The following HDAC10 variants were observed in gnomAD, a reference collection of about 807,000 sequenced individuals.
HDAC10 encodes the protein polyamine deacetylase HDAC10.
In HDAC10, 90 loss-of-function variants were observed where a neutral mutation model predicts 82.3. The observed-to-expected ratio is 1.09, with a 90% CI of 0.92 to 1.30. HDAC10 has a LOEUF of 1.30. Ranked by LOEUF, HDAC10 falls within the 50% of genes most tolerant of loss-of-function variation. The pLI, the probability that HDAC10 is intolerant of heterozygous loss-of-function variation, is 0.00. For missense variants in HDAC10, 934 were observed against 876.3 expected, an observed-to-expected ratio of 1.07 and a Z score of -0.83; for synonymous variants, 456 against 391.7, an observed-to-expected ratio of 1.16 and a Z score of -1.94.
Position 50,251,092 on chromosome 22 carries a change from C to T in HDAC10, c.-60G>A. On this transcript the variant is annotated 5_prime_UTR_variant, in exon 1 of 20. Transcript: ENST00000216271. Reference sequence around the variant, plus strand: ...CCTCGCTAGTGGTGCCTGCCACTGCCTGTCCCCACCTTCGGCCGGGAGCAG... The same window carrying T: ...CCTCGCTAGTGGTGCCTGCCACTGCTTGTCCCCACCTTCGGCCGGGAGCAG... The T allele has an allele frequency of 6.5e-7, 1 of 1,530,826 alleles. No individual in the cohort carries two copies. The highest frequency in any genetic ancestry group is 1.7e-4 in the Middle Eastern group (1 of 5,764). 94.8% of individuals were successfully genotyped at this position (1,530,826 alleles called of 1,614,324 possible).
In HDAC10 at chr22:50,245,907, T is replaced by C. The variant is rs753141770; in HGVS notation, c.1833+3A>G. 2.9e-5 allele frequency: 46 copies of C among 1,571,252 alleles called. No homozygotes were observed. Among genetic ancestry groups the C allele is most frequent in the Non-Finnish European group, 3.5e-5 (41 of 1,158,682 alleles). ...CGCAGCACCTCCACCCTGCCCAGCT[T>C]ACCTCCTCCAGGAGGGCCAGGACTC... On this transcript the variant is annotated splice_donor_region_variant and intron_variant, in intron 18 of 19. Transcript: ENST00000216271.
rs375624686 is a variant in HDAC10, at chr22:50,249,719, G to A, written c.495-16C>T. 1.1e-5 allele frequency: 17 copies of A among 1,612,482 alleles called. No individual in the cohort carries two copies. Among genetic ancestry groups the A allele is most frequent in the East Asian group, 2.2e-5 (1 of 44,846 alleles). On this transcript the variant is annotated splice_polypyrimidine_tract_variant and intron_variant, in intron 5 of 19. Transcript: ENST00000216271. This position sits in a 1 kb window ranked among gnomAD's most constrained non-coding sequence, Gnocchi z 4.4. ...GACGAGGATCCTGGGTACAGACAGCGCTGGTGGCAAAGGGGCAGGGCCTCC... is the reference window on the plus strand; with the variant it reads ...GACGAGGATCCTGGGTACAGACAGCACTGGTGGCAAAGGGGCAGGGCCTCC...
Position 50,250,782 on chromosome 22 carries a change from G to A in HDAC10, c.183C>T (p.Gly61=), listed in dbSNP as rs755748347. The A allele has an allele frequency of 6.3e-7, 1 of 1,599,688 alleles. No homozygotes were observed. The highest frequency in any genetic ancestry group is 1.1e-5 in the South Asian group (1 of 89,134). The stretch of plus-strand genomic sequence containing the variant: ...GCCCCCGTCCTGACCTGTGCACCAG[G>A]CCCAGCTCCTCTTCCGAGGCCTCGC... ...SAREASEEEL[G]LVHSPEYVSL... is the part of the protein sequence containing the mutation. The change falls in exon 2 of 20, where the codon GGC becomes GGT. Residue 61 remains glycine, a synonymous_variant. Coordinates refer to ENST00000216271, the MANE Select transcript of HDAC10 (RefSeq NM_032019.6).
chr22:50,246,594 C>A, intron 16 of HDAC10, 85 bp downstream of exon 16: 3 of 1,346,870 alleles, frequency 2.2e-6, no homozygotes, highest in South Asian at 1.2e-5. Flanking sequence ...GCCCCACCCA[C>A]CCGTCACCCT....
chr22:50,249,428 T>C lies in HDAC10; in HGVS notation c.590A>G (p.Tyr197Cys), dbSNP rs778712655. ...GAAAGGCCAGAAGCGCCCATGCTCATAGCGGTGCCAGGAGAAGTAAAGGAC... is the reference window on the plus strand; with the variant it reads ...GAAAGGCCAGAAGCGCCCATGCTCACAGCGGTGCCAGGAGAAGTAAAGGAC... ...PSVLYFSWHR[Y>C]EHGRFWPFLR... Residue 197 changes from tyrosine to cysteine, a missense_variant, in exon 7 of 20, where the codon TAT (tyrosine) becomes TGT (cysteine). Transcript: ENST00000216271. This position sits in a 1 kb window ranked among gnomAD's most constrained non-coding sequence, Gnocchi z 4.4. 3 of 1,612,640 alleles carry C rather than the reference T, an allele frequency of 1.9e-6. No homozygotes were observed. Among genetic ancestry groups the C allele is most frequent in the Non-Finnish European group, 2.5e-6 (3 of 1,179,916 alleles).
At position 50,248,616 on chromosome 22, in the gene HDAC10, C is replaced by G. The variant is rs2065012279; in HGVS notation, c.906+46G>C. 2.0e-6 allele frequency: 3 copies of G among 1,476,064 alleles called. No individual in the cohort carries two copies. The highest frequency in any genetic ancestry group is 4.4e-5 in the Admixed American group (2 of 45,230). 91.4% of individuals were successfully genotyped at this position (1,476,064 alleles called of 1,614,324 possible). On this transcript the variant is annotated intron_variant, in intron 10 of 19. Coordinates refer to ENST00000216271, the MANE Select transcript of HDAC10 (RefSeq NM_032019.6). This position sits in a 1 kb window ranked among gnomAD's most constrained non-coding sequence, Gnocchi z 5.4. ...ACCTGGCTCCCATGCTCCTGACCCC[C>G]AGGCCTCTGGCCCAGAGACCCTCCC...
chr22:50,245,817 G>T lies in HDAC10; in HGVS notation c.1844C>A (p.Pro615His), dbSNP rs929644724. ...VLALLEENST[P>H]QLAGILARVL... ...CCGGGCCAGGATCCCTGCTAGCTGG[G>T]GTGTGGAGTTCTGGACCAGGGGCGA... Residue 615 changes from proline to histidine, a missense_variant, in exon 19 of 20, where the codon CCC (proline) becomes CAC (histidine). By Grantham distance (77) the Pro-to-His change is moderately conservative. Transcript: ENST00000216271. 1 of 1,574,740 alleles carries T rather than the reference G, an allele frequency of 6.4e-7. No individual in the cohort carries two copies. The highest frequency in any genetic ancestry group is 2.4e-5 in the East Asian group (1 of 42,208).
At chr22:50,246,176 G>A (rs2064939990) in intron 17 of HDAC10, 84 bp from the exon 18 acceptor site, 1 of 1,537,510 alleles carries the variant, frequency 6.5e-7, no homozygotes, top group East Asian at 2.3e-5. Context: ...AGGGCCCCTG[G>A]AGTAGGAGCA....
At position 50,251,097 on chromosome 22, in the gene HDAC10, C is replaced by T. The variant is rs2065081643; in HGVS notation, c.-65G>A. On this transcript the variant is annotated 5_prime_UTR_variant, in exon 1 of 20. Transcript: ENST00000216271. ...CTAGTGGTGCCTGCCACTGCCTGTC[C>T]CCACCTTCGGCCGGGAGCAGCCGGA... 5 of 1,519,348 alleles carry T rather than the reference C, an allele frequency of 3.3e-6. No individual in the cohort carries two copies. The highest frequency in any genetic ancestry group is 4.5e-6 in the Non-Finnish European group (5 of 1,113,542). 94.1% of individuals were successfully genotyped at this position (1,519,348 alleles called of 1,614,324 possible). A position where few individuals can be genotyped will look rare whatever the true frequency, so the allele number is the denominator to read the frequency against.
chr22:50,251,236 T>A lies in HDAC10; in HGVS notation c.-204A>T. 1 of 538,578 alleles carries A rather than the reference T, an allele frequency of 1.9e-6. No homozygotes were observed. Among genetic ancestry groups the A allele is most frequent in the South Asian group, 2.5e-5 (1 of 39,414 alleles). 33.4% of individuals were successfully genotyped at this position (538,578 alleles called of 1,614,324 possible). On this transcript the variant is annotated 5_prime_UTR_variant, in exon 1 of 20. Coordinates refer to ENST00000216271, the MANE Select transcript of HDAC10 (RefSeq NM_032019.6). ...GCGCGCAGAAGGCACGGAGCGAGGC[T>A]GCAGTCGAAGGGGGAGGCTCCCCGC...
chr22:50,246,443 G>C, intron 16 of HDAC10, 67 bp from the exon 17 acceptor site: 1 of 1,352,096 alleles, frequency 7.4e-7, no homozygotes, highest in Non-Finnish European at 1.0e-6. Context: ...CGCAGAGGCA[G>C]AGGTGGAAGA....
In HDAC10 at chr22:50,251,042, G is replaced by A. The variant is rs756171452; in HGVS notation, c.-10C>T. On this transcript the variant is annotated 5_prime_UTR_variant, in exon 1 of 20. In the 5' UTR this introduces an upstream ATG that the reference lacks. Transcript: ENST00000216271. ...CAAGCGCGGTCCCCATGGCTGCGCC[G>A]TGGTCACCCTGGGTTCCCAAACGCC... is the stretch of plus-strand genomic sequence containing the variant. The A allele has an allele frequency of 1.2e-6, 2 of 1,607,986 alleles. No homozygotes were observed. The highest frequency in any genetic ancestry group is 1.7e-5 in the Admixed American group (1 of 59,826).
Position 50,250,785 on chromosome 22 carries a change from C to A in HDAC10, c.180G>T (p.Leu60=), listed in dbSNP as rs2065072029. Residue 60 remains leucine (L), a synonymous_variant, in exon 2 of 20, where the codon CTG becomes CTT. Transcript: ENST00000216271. ...CCCGTCCTGACCTGTGCACCAGGCC[C>A]AGCTCCTCTTCCGAGGCCTCGCGGG... ...LSAREASEEE[L]GLVHSPEYVS... The A allele has an allele frequency of 1.2e-6, 2 of 1,600,788 alleles. No individual in the cohort carries two copies. The highest frequency in any genetic ancestry group is 1.7e-6 in the Non-Finnish European group (2 of 1,174,992).
Position 50,249,731 on chromosome 22 carries a change from G to C in HDAC10, c.495-28C>G, listed in dbSNP as rs1396966915. 5.0e-6 allele frequency: 8 copies of C among 1,611,882 alleles called. No homozygotes were observed. Among genetic ancestry groups the C allele is most frequent in the Non-Finnish European group, 5.9e-6 (7 of 1,179,468 alleles). Reference sequence around the variant, plus strand: ...GGGTACAGACAGCGCTGGTGGCAAAGGGGCAGGGCCTCCCACCTCCAGGAG... The same window carrying C: ...GGGTACAGACAGCGCTGGTGGCAAACGGGCAGGGCCTCCCACCTCCAGGAG... On this transcript the variant is annotated intron_variant, in intron 5 of 19. Coordinates refer to ENST00000216271, the MANE Select transcript of HDAC10 (RefSeq NM_032019.6). The surrounding 1 kb of genome is among the most constrained non-coding windows in gnomAD (Gnocchi z 4.4).
At position 50,245,712 on chromosome 22, in the gene HDAC10, A is replaced by C; in HGVS notation, c.1949T>G (p.Leu650Arg). ...CCACTGAGGCTCCAGCTGCCCTCTC[A>C]GGTACATCAGGGCCTGGACGTCCTC... The part of the protein sequence containing the change: ...SPEDVQALMY[L>R]RGQLEPQWKM... Residue 650 changes from leucine (L) to arginine (R), a missense_variant, in exon 19 of 20, where the codon CTG becomes CGG. Coordinates refer to ENST00000216271, the MANE Select transcript of HDAC10 (RefSeq NM_032019.6). 6.2e-7 allele frequency: 1 copy of C among 1,613,166 alleles called. No individual in the cohort carries two copies. Among genetic ancestry groups the C allele is most frequent in the South Asian group, 1.1e-5 (1 of 91,058 alleles).
chr22:50,248,102 C>T lies in HDAC10; in HGVS notation c.1125G>A (p.Glu375=), dbSNP rs1281244726. The T allele has an allele frequency of 6.3e-7, 1 of 1,593,554 alleles. No individual in the cohort carries two copies. The highest frequency in any genetic ancestry group is 1.1e-5 in the South Asian group (1 of 88,586). The change falls in exon 13 of 20, where the codon GAG becomes GAA. Residue 375 remains glutamate (E), a synonymous_variant. Coordinates refer to ENST00000216271, the MANE Select transcript of HDAC10 (RefSeq NM_032019.6). This position sits in a 1 kb window ranked among gnomAD's most constrained non-coding sequence, Gnocchi z 5.4. ...CAGGCAGCAGAGGTGGAGGCCTCCCCTCTGGGGAGTGGCTGCTGGGGCTCA... is the reference window on the plus strand; with the variant it reads ...CAGGCAGCAGAGGTGGAGGCCTCCCTTCTGGGGAGTGGCTGCTGGGGCTCA... ...VPMSPSSHSP[E]GRPPPLLPGG...
In HDAC10 at chr22:50,249,225, G is replaced by A; in HGVS notation, c.691-57C>T. On this transcript the variant is annotated intron_variant, in intron 7 of 19. Transcript: ENST00000216271. The surrounding 1 kb of genome is among the most constrained non-coding windows in gnomAD (Gnocchi z 4.4). ...TGTGGGGCAGGGGAGGGGCCCGGGGGAGGGGGTGGGTGGGGACCTGGGGCT... is the reference window on the plus strand; with the variant it reads ...TGTGGGGCAGGGGAGGGGCCCGGGGAAGGGGGTGGGTGGGGACCTGGGGCT... The A allele has an allele frequency of 2.4e-6, 3 of 1,226,682 alleles. No individual in the cohort carries two copies. Among genetic ancestry groups the A allele is most frequent in the Non-Finnish European group, 3.4e-6 (3 of 883,756 alleles). The allele number at this position is 1,226,682 out of a possible 1,614,324, so 76.0% of individuals were successfully genotyped here. A position where few individuals can be genotyped will look rare whatever the true frequency, so the allele number is the denominator to read the frequency against.
At position 50,250,554 on chromosome 22, in the gene HDAC10, G is replaced by A. The variant is rs747705047; in HGVS notation, c.195-31C>T. ...TGCAGATGGGCAGGCAGGAGAGGCA[G>A]GGTCACCAGCAGGAGCAGGGGGGCG... On this transcript the variant is annotated intron_variant, in intron 2 of 19. Coordinates refer to ENST00000216271, the MANE Select transcript of HDAC10 (RefSeq NM_032019.6). The A allele has an allele frequency of 3.2e-6, 5 of 1,570,460 alleles. No homozygotes were observed. In the Admixed American group the frequency reaches 6.7e-5, roughly 21 times the overall value.
rs368453527 is a variant in HDAC10, at chr22:50,248,486, G to A, written c.907-14C>T. 165 of 1,599,640 alleles carry A rather than the reference G, an allele frequency of 1.0e-4. No individual in the cohort carries two copies. The highest frequency in any genetic ancestry group is 1.6e-4 in the Middle Eastern group (1 of 6,068). ...GTGGTAGCCGCCCTGGGAGGAGGGTGGAGACATGATTGGGGCAGAGATATC... is the reference window on the plus strand; with the variant it reads ...GTGGTAGCCGCCCTGGGAGGAGGGTAGAGACATGATTGGGGCAGAGATATC... On this transcript the variant is annotated splice_polypyrimidine_tract_variant and intron_variant, in intron 10 of 19. Coordinates refer to ENST00000216271, the MANE Select transcript of HDAC10 (RefSeq NM_032019.6). The surrounding 1 kb of genome is among the most constrained non-coding windows in gnomAD (Gnocchi z 5.4).
Sources: allele counts gnomAD v4.1 joint callset, GRCh38; gene constraint gnomAD v4.1.1; non-coding constraint Gnocchi (gnomAD v3.1); transcripts MANE v1.5; gene names NCBI Gene and HGNC (gene_info 2026-07-23, HGNC 2026-07-21).